The following DNAH8 variants were observed in gnomAD, a reference collection of about 807,000 sequenced individuals.
DNAH8 encodes the protein axonemal beta dynein heavy chain 8.
DNAH8 carries 382 observed loss-of-function variants against 562.1 expected under a neutral mutation model. The observed-to-expected ratio is 0.68, with a 90% CI of 0.63 to 0.74. The LOEUF is 0.74. Ranked by LOEUF, DNAH8 falls within the 30% of genes least tolerant of loss-of-function variation. The pLI is 0.00. For missense variants in DNAH8, 5,203 were observed against 5,620.4 expected (o/e 0.93, Z 2.37); for synonymous variants, 1,881 against 1,919.4 (o/e 0.98, Z 0.52).
intron 35 of DNAH8, among the ~76,000 whole-genome samples, chr6:38,845,032 G>C (rs918821681): frequency 6.6e-6 from 1 of 151,362 alleles, no homozygotes; most frequent in Non-Finnish European, 1.5e-5. Flanking sequence ...GGGAAAATAT[G>C]TTACTTTTAT....
chr6:38,992,413 G>A (rs1404316083), intron 88 of DNAH8, among the ~76,000 whole-genome samples: 1 of 152,212 alleles, frequency 6.6e-6, no homozygotes, highest in Admixed American at 6.5e-5. Flanking sequence ...GGAAGTATTT[G>A]TTGACTGATC....
chr6:38,906,926 C>G (rs991593166), intron 63 of DNAH8, among the ~76,000 whole-genome samples: 2 of 152,150 alleles, frequency 1.3e-5, no homozygotes, highest in Non-Finnish European at 2.9e-5. Flanking sequence ...GGACATGATG[C>G]TCAAAGGACA....
rs1369329674 is a variant in DNAH8 at position 38,890,642 on chromosome 6, T to A, written c.8474-10T>A. ...GTAAGCTTATACCTTCAATCTTGCT[T>A]ATCTTTCAGGAATTATTGGATGTGG... On this transcript the variant is annotated splice_polypyrimidine_tract_variant and intron_variant, in intron 57 of 92. Transcript: ENST00000327475. 1.3e-6 allele frequency: 2 copies of A among 1,581,028 alleles called. No individual in the cohort carries two copies. Among genetic ancestry groups the A allele is most frequent in the Admixed American group, 3.3e-5 (2 of 59,960 alleles).
intron 85 of DNAH8, among the ~76,000 whole-genome samples, chr6:38,978,129 A>G (rs1763796592): frequency 1.3e-5 from 2 of 152,178 alleles, no homozygotes; most frequent in African/African-American, 2.4e-5. Flanking sequence ...CAAACAGCTT[A>G]TATATAACTC....
chr6:38,921,257 T>C, intron 70 of DNAH8, 112 bp from the exon 71 acceptor site: 1 of 1,234,660 alleles, frequency 8.1e-7, no homozygotes, highest in Non-Finnish European at 1.1e-6. Context: ...CGGAAACAGA[T>C]GTGCTCGAAA....
At chr6:39,007,180 A>G (rs1765849940) in intron 88 of DNAH8, among the ~76,000 whole-genome samples, 1 of 152,206 alleles carries the variant, frequency 6.6e-6, no homozygotes, top group Non-Finnish European at 1.5e-5. Context: ...GTTCACAGTA[A>G]CATTTGCACC....
chr6:38,780,677 C>G (rs1036094984), intron 15 of DNAH8, among the ~76,000 whole-genome samples: 43 of 152,062 alleles, frequency 2.8e-4, no homozygotes, highest in African/African-American at 9.9e-4. Context: ...ACAGTAGACA[C>G]TGGGGCCTAC....
chr6:38,715,961 T>TATATATA (rs1491204029), intron 1 of DNAH8, among the ~76,000 whole-genome samples: 21 of 20,024 alleles, frequency 1.0e-3, no homozygotes, highest in Non-Finnish European at 1.8e-3. Context: ...TATATATATA[T>TATATATA]TTTTTTTTTT....
intron 57 of DNAH8, among the ~76,000 whole-genome samples, chr6:38,889,359 G>A (rs924864095): frequency 6.6e-6 from 1 of 151,996 alleles, no homozygotes; most frequent in Admixed American, 6.6e-5. Flanking sequence ...AAGTGGTGAA[G>A]CTATAAAGAA....
chr6:39,027,782 C>T (rs896476661), intron 92 of DNAH8, among the ~76,000 whole-genome samples: 3 of 152,066 alleles, frequency 2.0e-5, no homozygotes, highest in South Asian at 2.1e-4. Context: ...ACTGAGATCC[C>T]GCCACTGCAC....
chr6:38,998,180 G>A (rs75950610), intron 88 of DNAH8, among the ~76,000 whole-genome samples: 2,610 of 152,284 alleles, frequency 0.017, 66 homozygotes, highest in African/African-American at 0.058. Context: ...TGGGCAGGGC[G>A]AATCACAAGT....
Position 39,030,214 on chromosome 6 carries a change from T to C in DNAH8, c.13946T>C (p.Leu4649Pro). ...GTACTCTTCACGCAGTTACCCGTGC[T>C]CCACATCTTTGCCATTAACTCCACG... ...PKVLFTQLPV[L>P]HIFAINSTAP... Residue 4649 changes from leucine to proline, a missense_variant, in exon 93 of 93, where the codon CTC becomes CCC. By Grantham distance (98) the Leu-to-Pro change is moderately conservative (BLOSUM62 -3). Coordinates refer to ENST00000327475, the MANE Select transcript of DNAH8 (RefSeq NM_001206927.2). The C allele has an allele frequency of 6.2e-7, 1 of 1,614,166 alleles. No individual in the cohort carries two copies. The highest frequency in any genetic ancestry group is 1.1e-5 in the South Asian group (1 of 91,082).
chr6:38,733,567 A>C (rs1379514671), intron 4 of DNAH8, among the ~76,000 whole-genome samples: 1 of 152,186 alleles, frequency 6.6e-6, no homozygotes, highest in Admixed American at 6.5e-5. Flanking sequence ...GCCAAAAGGA[A>C]CAGAAGTACA....
chr6:39,007,945 ACC>A (rs528193179), intron 88 of DNAH8, among the ~76,000 whole-genome samples: 1 of 51,054 alleles, frequency 2.0e-5, no homozygotes, highest in Admixed American at 2.5e-4. Context: ...CCCCCCACCC[ACC>A]CACACACACA....
At chr6:38,958,131 A>T (rs1050225342) in intron 82 of DNAH8, among the ~76,000 whole-genome samples, 60 of 151,522 alleles carry the variant, frequency 4.0e-4, no homozygotes, top group Admixed American at 3.6e-3. Context: ...CCTCCCGAGT[A>T]GCTGGGACTG....
intron 4 of DNAH8, among the ~76,000 whole-genome samples, chr6:38,730,248 T>C (rs1429670794): frequency 1.3e-5 from 2 of 152,192 alleles, no homozygotes; most frequent in Non-Finnish European, 2.9e-5. Context: ...CATTAGAATT[T>C]AATTGCATTT....
chr6:38,889,348 T>C (rs1181107137), intron 57 of DNAH8, among the ~76,000 whole-genome samples: 1 of 151,956 alleles, frequency 6.6e-6, no homozygotes, highest in African/African-American at 2.4e-5. Flanking sequence ...TTCAAAAACC[T>C]AAGTGGTGAA....
intron 39 of DNAH8, 56 bp from the exon 40 acceptor site, chr6:38,852,638 C>T (rs1775846031): frequency 7.9e-7 from 1 of 1,263,780 alleles, no homozygotes. Context: ...CTTTTAAAAA[C>T]ATCTCAGCGG....
chr6:38,823,638 T>G lies in DNAH8; in HGVS notation c.3797T>G (p.Ile1266Ser), dbSNP rs1330207223. The change falls in exon 28 of 93, where the codon ATT becomes AGT. Residue 1266 changes from isoleucine (I) to serine (S), a missense_variant. Transcript: ENST00000327475. Reference sequence around the variant, plus strand: ...CACTATGCTACTTTTGAACAGGAGATTGATGAGTTGAAGCCTATTATTGTT... The same window carrying G: ...CACTATGCTACTTTTGAACAGGAGAGTGATGAGTTGAAGCCTATTATTGTT... ...ILHYATFEQEIDELKPIIVVG... is the reference protein window; with the variant it reads ...ILHYATFEQESDELKPIIVVG... The G allele has an allele frequency of 6.2e-7, 1 of 1,607,334 alleles. No homozygotes were observed. The highest frequency in any genetic ancestry group is 8.5e-7 in the Non-Finnish European group (1 of 1,174,168).
Sources: gnomAD v4.1 joint callset for allele counts (sites outside exome capture counted in the v4.1 genomes callset) on GRCh38, gnomAD v4.1.1 for gene constraint, MANE v1.5 for transcripts, NCBI Gene and HGNC (gene_info 2026-07-23, HGNC 2026-07-21) for gene names.